ADGRL3: variants seen among roughly 807,000 people sequenced by gnomAD.
ADGRL3 encodes the protein adhesion G protein-coupled receptor L3.
In ADGRL3, 62 loss-of-function variants were observed where a neutral mutation model predicts 153.5. The ratio of observed to expected loss-of-function variants is 0.40; its 90% CI spans 0.33 to 0.50. The LOEUF (loss-of-function observed/expected upper bound fraction) is 0.50. Among genes scored for constraint, ADGRL3 ranks in the 20% least tolerant of loss-of-function variants. ADGRL3 has a pLI of 0.47. For synonymous variants in ADGRL3, 710 were observed against 672.5 expected (o/e 1.06, Z -0.86); for missense variants, 1,641 against 1,859.4 (o/e 0.88, Z 2.16).
At chr4:61,825,087 G>A (rs1289664720) in intron 9 of ADGRL3, among the ~76,000 whole-genome samples, 1 of 152,038 alleles carries the variant, frequency 6.6e-6, no homozygotes, top group Admixed American at 6.6e-5. Context: ...GATAGCTCTG[G>A]GTCCAGCAAT....
intron 6 of ADGRL3, among the ~76,000 whole-genome samples, chr4:61,699,828 C>A (rs1418761610): frequency 2.6e-5 from 4 of 151,970 alleles, no homozygotes; most frequent in African/African-American, 9.7e-5. Context: ...CCATTTCATT[C>A]ATTCAGAAAC....
chr4:61,931,412 G>A (rs958819031), intron 13 of ADGRL3, among the ~76,000 whole-genome samples: 2 of 152,154 alleles, frequency 1.3e-5, no homozygotes, highest in African/African-American at 4.8e-5. Context: ...AAACAAGGTT[G>A]CAACTTGAGC....
At position 61,947,004 on chromosome 4, in the gene ADGRL3, T is replaced by G; in HGVS notation, c.2510T>G (p.Leu837Trp). The change falls in exon 16 of 27, where the codon TTG becomes TGG. Residue 837 changes from leucine to tryptophan, a missense_variant. Physicochemically the swap from Leu to Trp is moderately conservative, Grantham distance 61. Coordinates refer to ENST00000683033, the MANE Select transcript of ADGRL3 (RefSeq NM_001387552.1). ...NASMKLGTEALSTNHSVIVNS... is the reference protein window; with the variant it reads ...NASMKLGTEAWSTNHSVIVNS... ...AGTATGAAGTTGGGAACGGAAGCTTTGTCCACAAATCATTCTGTTATTGTC... is the reference window on the plus strand; with the variant it reads ...AGTATGAAGTTGGGAACGGAAGCTTGGTCCACAAATCATTCTGTTATTGTC... The G allele has an allele frequency of 1.2e-6, 2 of 1,613,826 alleles. No individual in the cohort carries two copies. The highest frequency in any genetic ancestry group is 1.7e-6 in the Non-Finnish European group (2 of 1,179,784).
chr4:61,951,435 A>T (rs2098946851), intron 17 of ADGRL3, among the ~76,000 whole-genome samples: 1 of 152,060 alleles, frequency 6.6e-6, no homozygotes. Flanking sequence ...TGTAATATGG[A>T]TCTTTGCTGT....
intron 2 of ADGRL3, among the ~76,000 whole-genome samples, chr4:61,417,254 G>A (rs896444983): frequency 1.3e-5 from 2 of 152,060 alleles, no homozygotes; most frequent in African/African-American, 2.4e-5. Context: ...AGCACTTTGG[G>A]AGGCGGGCAG....
At chr4:61,462,750 C>T (rs1360226584) in intron 2 of ADGRL3, among the ~76,000 whole-genome samples, 1 of 152,168 alleles carries the variant, frequency 6.6e-6, no homozygotes, top group African/African-American at 2.4e-5. Context: ...ATTGGGCAAT[C>T]AGCCTAGCCA....
At chr4:61,494,981 G>A (rs908077646) in intron 2 of ADGRL3, among the ~76,000 whole-genome samples, 3 of 152,030 alleles carry the variant, frequency 2.0e-5, no homozygotes, top group African/African-American at 4.8e-5. Flanking sequence ...CTATTATTAC[G>A]TATTTTATAT....
At chr4:61,435,695 C>T (rs1039688422) in intron 2 of ADGRL3, among the ~76,000 whole-genome samples, 3 of 150,552 alleles carry the variant, frequency 2.0e-5, no homozygotes, top group South Asian at 4.1e-4. Context: ...TCCTCCTCTC[C>T]GGTCTTTTGC....
chr4:62,000,190 C>T (rs1256492880), intron 21 of ADGRL3, among the ~76,000 whole-genome samples: 1 of 151,558 alleles, frequency 6.6e-6, no homozygotes, highest in Non-Finnish European at 1.5e-5. Flanking sequence ...AAGACTTTAA[C>T]ATTTATGTAG....
chr4:61,701,923 T>C (rs1210097887), intron 6 of ADGRL3, among the ~76,000 whole-genome samples: 2 of 151,990 alleles, frequency 1.3e-5, no homozygotes, highest in East Asian at 3.9e-4. Context: ...GGTACTGAGA[T>C]AAGAGCACAG....
At chr4:62,051,950 T>G (rs949144160) in intron 25 of ADGRL3, among the ~76,000 whole-genome samples, 6 of 151,734 alleles carry the variant, frequency 4.0e-5, no homozygotes, top group Admixed American at 3.9e-4. Flanking sequence ...ACTTAGGAGT[T>G]GCTGGTGTTC....
intron 17 of ADGRL3, among the ~76,000 whole-genome samples, chr4:61,953,573 A>G (rs1202889146): frequency 1.3e-5 from 2 of 152,206 alleles, no homozygotes; most frequent in Non-Finnish European, 2.9e-5. Flanking sequence ...GTATCACTGA[A>G]TTCCAAGGAT....
chr4:61,594,057 T>A (rs2098979888), intron 5 of ADGRL3, among the ~76,000 whole-genome samples: 1 of 152,194 alleles, frequency 6.6e-6, no homozygotes, highest in Non-Finnish European at 1.5e-5. Context: ...ACTAATTCTT[T>A]CTCTGTTTGA....
At chr4:61,820,411 A>G (rs2097738652) in intron 9 of ADGRL3, among the ~76,000 whole-genome samples, 1 of 152,172 alleles carries the variant, frequency 6.6e-6, no homozygotes. Flanking sequence ...AATACATTAC[A>G]AGGTAATTAA....
intron 5 of ADGRL3, among the ~76,000 whole-genome samples, chr4:61,612,377 C>A (rs1463225625): frequency 6.6e-6 from 1 of 152,046 alleles, no homozygotes; most frequent in Non-Finnish European, 1.5e-5. Flanking sequence ...AAACCAGAAA[C>A]AATAGTCAAA....
At chr4:62,056,900 G>A (rs533968235) in intron 25 of ADGRL3, among the ~76,000 whole-genome samples, 3 of 151,850 alleles carry the variant, frequency 2.0e-5, no homozygotes, top group Non-Finnish European at 4.4e-5. Flanking sequence ...GAAAATTGAG[G>A]CATATTGCTA....
At chr4:61,801,699 T>C (rs1171681847) in intron 8 of ADGRL3, among the ~76,000 whole-genome samples, 1 of 152,138 alleles carries the variant, frequency 6.6e-6, no homozygotes, top group Non-Finnish European at 1.5e-5. Context: ...TAATATCAAG[T>C]CCAGCATTCC....
chr4:62,027,810 A>G (rs2151464648), intron 21 of ADGRL3, among the ~76,000 whole-genome samples: 1 of 152,074 alleles, frequency 6.6e-6, no homozygotes, highest in South Asian at 2.1e-4. Context: ...AACTTGCATT[A>G]TAATTATCAC....
chr4:61,722,907 A>T (rs2096265594), intron 6 of ADGRL3, among the ~76,000 whole-genome samples: 1 of 152,196 alleles, frequency 6.6e-6, no homozygotes, highest in African/African-American at 2.4e-5. Context: ...ATTTAAAAGT[A>T]TTTACTAAAT....
Sources: allele counts gnomAD v4.1 joint callset (sites outside exome capture counted in the v4.1 genomes callset), GRCh38; gene constraint gnomAD v4.1.1; transcripts MANE v1.5; gene names NCBI Gene and HGNC (gene_info 2026-07-23, HGNC 2026-07-21).